Variants in AGBL1 observed in about 807,000 individuals in gnomAD.
The protein encoded by AGBL1 is AGBL carboxypeptidase 1.
A neutral mutation model predicts 118.9 loss-of-function variants in AGBL1; 130 were observed. The observed-to-expected ratio is 1.09, with a 90% CI of 0.95 to 1.26. AGBL1 has a LOEUF of 1.26. AGBL1 is among the 50% of genes most tolerant of loss of function. The pLI is 0.00. For synonymous variants in AGBL1, 555 were observed against 478.9 expected (o/e 1.16, Z -2.08); for missense variants, 1,584 against 1,298.1 (o/e 1.22, Z -3.38).
rs773093713 is a variant in AGBL1 at position 86,258,041 on chromosome 15, C to T, written c.969+10C>T. On this transcript the variant is annotated intron_variant, in intron 9 of 22. Coordinates refer to ENST00000614907, the MANE Select transcript of AGBL1 (RefSeq NM_001386094.1). ...AGATGGGAAAGTGGAAGTAGGTACACCAGCCCATGCTTCTAATGATGTCCA... is the reference window on the plus strand; with the variant it reads ...AGATGGGAAAGTGGAAGTAGGTACATCAGCCCATGCTTCTAATGATGTCCA... 36 of 1,612,280 alleles carry T rather than the reference C, an allele frequency of 2.2e-5. No homozygotes were observed. The highest frequency in any genetic ancestry group is 5.3e-5 in the African/African-American group (4 of 74,864).
intron 3 of AGBL1, among the ~76,000 whole-genome samples, chr15:86,147,664 C>A (rs2077051146): frequency 6.6e-6 from 1 of 152,222 alleles, no homozygotes; most frequent in Non-Finnish European, 1.5e-5. Context: ...CTAGACTCCA[C>A]TTCTATCGGC....
At position 86,191,763 on chromosome 15, in the gene AGBL1, T is replaced by C. The variant is rs369128976; in HGVS notation, c.488+32737T>C. Among the ~76,000 whole-genome samples, 228 of 151,992 alleles carry C rather than the reference T, an allele frequency of 1.5e-3. 3 individuals carry two copies. The South Asian group carries it at 0.045, about 30-fold the overall frequency. Reference sequence around the variant, plus strand: ...ATCTTCCTCCATTATTACCTAATATTGAGGAAGTAATTTATTTTATTTATA... The same window carrying C: ...ATCTTCCTCCATTATTACCTAATATCGAGGAAGTAATTTATTTTATTTATA... On this transcript the variant is annotated intron_variant, in intron 5 of 22. Transcript: ENST00000614907.
intron 23 of AGBL1, among the ~76,000 whole-genome samples, chr15:86,971,743 T>C (rs1477534020): frequency 1.3e-5 from 2 of 151,990 alleles, no homozygotes; most frequent in Non-Finnish European, 2.9e-5. Context: ...CTAATTGATA[T>C]GGTTAGGCTT....
At chr15:86,695,653 C>G (rs1470866938) in intron 22 of AGBL1, among the ~76,000 whole-genome samples, 1 of 151,690 alleles carries the variant, frequency 6.6e-6, no homozygotes, top group Non-Finnish European at 1.5e-5. Context: ...TTGGTTTGTT[C>G]TTGTTTCTCT....
chr15:86,498,809 C>T (rs1048464930), intron 18 of AGBL1, among the ~76,000 whole-genome samples: 6 of 151,858 alleles, frequency 4.0e-5, no homozygotes, highest in African/African-American at 1.2e-4. Context: ...AGGCAGGAAA[C>T]TAGAAGGGCT....
Position 86,780,181 on chromosome 15 carries a change from C to T in AGBL1, c.3158+105745C>T, listed in dbSNP as rs1187192056. Among the ~76,000 whole-genome samples the T allele has an allele frequency of 2.2e-4, 20 of 92,592 alleles. No individual in the cohort carries two copies. In the Admixed American group the frequency reaches 2.8e-3, roughly 13 times the overall value. 60.7% of individuals were successfully genotyped at this position (92,592 alleles called of 152,430 possible). A position where few individuals can be genotyped will look rare whatever the true frequency, so the allele number is the denominator to read the frequency against. On this transcript the variant is annotated intron_variant, in intron 22 of 22. Transcript: ENST00000614907. ...ATAATATGATGTAAGGAACAAGACACATTTTCTTGCCATTGACATCAGTTG... is the reference window on the plus strand; with the variant it reads ...ATAATATGATGTAAGGAACAAGACATATTTTCTTGCCATTGACATCAGTTG...
At chr15:86,925,908 T>G (rs2080533671) in intron 23 of AGBL1, among the ~76,000 whole-genome samples, 2 of 151,820 alleles carry the variant, frequency 1.3e-5, no homozygotes, top group South Asian at 4.2e-4. Flanking sequence ...TTTTCTGTAT[T>G]CTTAATAGAG....
intron 18 of AGBL1, among the ~76,000 whole-genome samples, chr15:86,405,666 G>A (rs993372046): frequency 3.9e-5 from 6 of 152,144 alleles, no homozygotes; most frequent in African/African-American, 1.4e-4. Context: ...TCAGTAAAAT[G>A]AGAACATTTA....
At chr15:86,106,185 CAG>C (rs1897041766) in intron 1 of AGBL1, among the ~76,000 whole-genome samples, 1 of 152,192 alleles carries the variant, frequency 6.6e-6, no homozygotes, top group African/African-American at 2.4e-5. Context: ...ATACAGATAA[CAG>C]GGTAGTAAAT....
At chr15:86,160,586 T>G (rs956110755) in intron 5 of AGBL1, among the ~76,000 whole-genome samples, 7 of 152,222 alleles carry the variant, frequency 4.6e-5, no homozygotes, top group African/African-American at 1.7e-4. Context: ...AGGCCTTTGC[T>G]GCTGACATCT....
At chr15:86,860,929 C>T (rs1298726546) in intron 22 of AGBL1, among the ~76,000 whole-genome samples, 1 of 152,060 alleles carries the variant, frequency 6.6e-6, no homozygotes, top group African/African-American at 2.4e-5. Context: ...TCTGGCTGCT[C>T]TTGTGCCTCC....
intron 22 of AGBL1, among the ~76,000 whole-genome samples, chr15:86,816,467 AATATC>A (rs2078859874): frequency 6.6e-6 from 1 of 152,226 alleles, no homozygotes; most frequent in African/African-American, 2.4e-5. Context: ...ACACCAAAGA[AATATC>A]AGGAGGATAG....
intron 21 of AGBL1, among the ~76,000 whole-genome samples, chr15:86,664,508 C>T (rs2085606739): frequency 6.6e-6 from 1 of 152,192 alleles, no homozygotes; most frequent in African/African-American, 2.4e-5. Context: ...TCAACTCATG[C>T]TGGCTCTTTG....
intron 22 of AGBL1, among the ~76,000 whole-genome samples, chr15:86,678,455 C>A (rs1223052449): frequency 6.6e-6 from 1 of 152,024 alleles, no homozygotes; most frequent in Non-Finnish European, 1.5e-5. Flanking sequence ...ATTTCCTAAT[C>A]ACGTCTTTGT....
intron 17 of AGBL1, among the ~76,000 whole-genome samples, chr15:86,383,464 G>A (rs2081140959): frequency 1.3e-5 from 2 of 151,920 alleles, no homozygotes; most frequent in Non-Finnish European, 2.9e-5. Context: ...GGCGGCGCCT[G>A]TAATCCCAGC....
In AGBL1 at chr15:86,142,073, T is replaced by G; in HGVS notation, c.115+6T>G. On this transcript the variant is annotated splice_donor_region_variant and intron_variant, in intron 2 of 22. Coordinates refer to ENST00000614907, the MANE Select transcript of AGBL1 (RefSeq NM_001386094.1). ...CGGAGATCTGCTTTCTGTTGGTGAG[T>G]AGGCCATGCTCTCATGCTTTCATAT... is the stretch of plus-strand genomic sequence containing the variant. 1 of 1,550,068 alleles carries G rather than the reference T, an allele frequency of 6.5e-7. No individual in the cohort carries two copies. Among genetic ancestry groups the G allele is most frequent in the South Asian group, 1.2e-5 (1 of 83,904 alleles).
intron 6 of AGBL1, among the ~76,000 whole-genome samples, chr15:86,233,576 C>T (rs1009496951): frequency 2.6e-5 from 4 of 152,164 alleles, no homozygotes; most frequent in African/African-American, 9.7e-5. Context: ...AGTTTGAAAA[C>T]CTCTGAAGTA....
At position 86,268,292 on chromosome 15, in the gene AGBL1, C is replaced by T. The variant is rs898077035; in HGVS notation, c.1838+1216C>T. Among the ~76,000 whole-genome samples the T allele has an allele frequency of 3.9e-5, 6 of 151,926 alleles. No individual in the cohort carries two copies. The East Asian group carries it at 7.7e-4, about 20-fold the overall frequency. On this transcript the variant is annotated intron_variant, in intron 13 of 22. Coordinates refer to ENST00000614907, the MANE Select transcript of AGBL1 (RefSeq NM_001386094.1). Reference sequence around the variant, plus strand: ...GAGACCAGTTTAATCAGGCTGAAGACGGGAAAGACAGTCATGTCAAGACTC... The same window carrying T: ...GAGACCAGTTTAATCAGGCTGAAGATGGGAAAGACAGTCATGTCAAGACTC...
intron 22 of AGBL1, among the ~76,000 whole-genome samples, chr15:86,766,651 T>A (rs2078101122): frequency 6.6e-6 from 1 of 151,940 alleles, no homozygotes; most frequent in African/African-American, 2.4e-5. Context: ...TTTGTCCATT[T>A]ATTCTTTTGT....
Sources: allele counts gnomAD v4.1 joint callset (sites outside exome capture counted in the v4.1 genomes callset), GRCh38; gene constraint gnomAD v4.1.1; transcripts MANE v1.5; gene names NCBI Gene and HGNC (gene_info 2026-07-23, HGNC 2026-07-21).